The following STK3 variants were observed in gnomAD, a reference collection of about 807,000 sequenced individuals.
STK3 encodes the protein serine/threonine kinase 3.
Under a neutral mutation model 58.0 loss-of-function variants are expected in STK3, and 41 were observed. That is an observed-to-expected ratio of 0.71 (90% CI 0.55 to 0.92). STK3 has a LOEUF of 0.92. Ranked by LOEUF, STK3 falls within the 40% of genes least tolerant of loss-of-function variation. STK3 has a pLI of 0.00. For synonymous variants in STK3, 170 were observed against 191.0 expected, an observed-to-expected ratio of 0.89 and a Z score of 0.91; for missense variants, 479 against 602.7, an observed-to-expected ratio of 0.79 and a Z score of 2.15.
Position 98,409,958 on chromosome 8 carries a change from C to A in STK3, n.484-8445G>T, listed in dbSNP as rs573411245. On this transcript the variant is annotated intron_variant and non_coding_transcript_variant, in intron 3 of 3. Coordinates refer to the STK3 transcript ENST00000517832. Reference sequence around the variant, plus strand: ...GACTCCAGTCCAGTCCAAGGTCCAACAATCAAGTTTTGTTTAGGATATAAG... The same window carrying A: ...GACTCCAGTCCAGTCCAAGGTCCAAAAATCAAGTTTTGTTTAGGATATAAG... Among the ~76,000 whole-genome samples, 7 of 152,360 alleles carry A rather than the reference C, an allele frequency of 4.6e-5. No individual in the cohort carries two copies. The South Asian group carries it at 1.2e-3, about 27-fold the overall frequency.
intron 6 of STK3, among the ~76,000 whole-genome samples, chr8:98,694,969 A>G (rs1443292759): frequency 6.6e-6 from 1 of 152,206 alleles, no homozygotes; most frequent in Non-Finnish European, 1.5e-5. Context: ...TCCCATCAAC[A>G]GTGCAAAAGT....
At chr8:98,748,451 T>G (rs1478774520) in intron 4 of STK3, among the ~76,000 whole-genome samples, 1 of 152,146 alleles carries the variant, frequency 6.6e-6, no homozygotes, top group African/African-American at 2.4e-5. Flanking sequence ...TAAAATAAAC[T>G]TACAGTGTAC....
At position 98,932,635 on chromosome 8, in the gene STK3, T is replaced by A. The variant is rs1052938574; in HGVS notation, c.-79+9743A>T. Among the ~76,000 whole-genome samples the A allele has an allele frequency of 8.5e-5, 13 of 152,310 alleles. 1 individual carries two copies. The South Asian group carries it at 2.5e-3, about 29-fold the overall frequency. On this transcript the variant is annotated intron_variant, in intron 1 of 1. Coordinates refer to the STK3 transcript ENST00000519420. ...CTGGAGTAGTTGTTTCCAAATTTAGTCTATAGGCATATCACCAAGGGAACT... is the reference window on the plus strand; with the variant it reads ...CTGGAGTAGTTGTTTCCAAATTTAGACTATAGGCATATCACCAAGGGAACT...
intron 3 of STK3, chr8:98,432,694 A>G (rs1818353866): frequency 6.0e-6 from 1 of 167,126 alleles, no homozygotes; most frequent in Non-Finnish European, 1.5e-5. Context: ...GCTGTGTGTT[A>G]GCTACTTGAA....
the STK3 span, among the ~76,000 whole-genome samples, chr8:98,345,818 G>T: frequency 4.6e-5 from 7 of 152,020 alleles, 1 homozygote; most frequent in Non-Finnish European, 1.0e-4. Context: ...AAATATAAAA[G>T]ATCCAAATTG....
At chr8:98,700,246 C>T (rs896869144) in intron 6 of STK3, among the ~76,000 whole-genome samples, 11 of 152,150 alleles carry the variant, frequency 7.2e-5, no homozygotes, top group African/African-American at 1.9e-4. Context: ...GGGAGCGACC[C>T]GATTTTCCAG....
Position 98,548,103 on chromosome 8 carries a change from G to T in STK3, c.1007C>A (p.Thr336Asn), listed in dbSNP as rs1393907753. The change falls in exon 9 of 11, where the codon ACC (threonine) becomes AAC (asparagine). Residue 336 changes from threonine to asparagine, a missense_variant. Transcript: ENST00000419617. The stretch of plus-strand genomic sequence containing the variant: ...ACTCATCGTGCTTGTGGCCCGCATG[G>T]TGCCCACACTCTCCACACTAGTCTT... Reference protein sequence around the residue: ...MVKTSVESVGTMRATSTMSEG... With the variant: ...MVKTSVESVGNMRATSTMSEG... The T allele has an allele frequency of 6.2e-7, 1 of 1,606,538 alleles. No individual in the cohort carries two copies. The highest frequency in any genetic ancestry group is 1.1e-5 in the South Asian group (1 of 89,648).
chr8:98,677,881 A>G (rs893171868), intron 6 of STK3, among the ~76,000 whole-genome samples: 1 of 152,234 alleles, frequency 6.6e-6, no homozygotes, highest in African/African-American at 2.4e-5. Context: ...AGAAGGAGTC[A>G]GGTAGTTGGA....
At chr8:98,447,960 T>TAAG (rs1563612098) in intron 1 of STK3, among the ~76,000 whole-genome samples, 1 of 50,044 alleles carries the variant, frequency 2.0e-5, no homozygotes, top group Admixed American at 3.1e-4. Context: ...TAAAGTATAA[T>TAAG]AATAATAATA....
At chr8:98,414,346 A>G (rs1254072718) in intron 3 of STK3, among the ~76,000 whole-genome samples, 1 of 152,220 alleles carries the variant, frequency 6.6e-6, no homozygotes, top group African/African-American at 2.4e-5. Context: ...AGGCTTTCCC[A>G]TGCTATTTGG....
rs922755332 is a variant in STK3, at chr8:98,920,669, T to G, written c.-79+21709A>C. Among the ~76,000 whole-genome samples the G allele has an allele frequency of 1.2e-4, 18 of 152,248 alleles. 1 individual carries two copies. The highest frequency in any genetic ancestry group is 9.2e-4 in the Admixed American group (14 of 15,292). On this transcript the variant is annotated intron_variant, in intron 1 of 1. Coordinates refer to the STK3 transcript ENST00000519420. ...CTAGTTTGTTCAAATGTTACCCATGTGCAGTTTGCAAGCCCCCCATGCTCC... is the reference window on the plus strand; with the variant it reads ...CTAGTTTGTTCAAATGTTACCCATGGGCAGTTTGCAAGCCCCCCATGCTCC...
chr8:98,716,442 GAATAA>G (rs1268435143), intron 4 of STK3, among the ~76,000 whole-genome samples: 1 of 151,318 alleles, frequency 6.6e-6, no homozygotes, highest in African/African-American at 2.4e-5. Flanking sequence ...TTATTTTAAA[GAATAA>G]AATACTTAGG....
chr8:98,923,876 C>CGCGCGCGT (rs1251621848), intron 1 of STK3, among the ~76,000 whole-genome samples: 1 of 146,334 alleles, frequency 6.8e-6, no homozygotes, highest in African/African-American at 2.6e-5. Context: ...CGCGCGCGCG[C>CGCGCGCGT]GTTGACAATG....
intron 1 of STK3, among the ~76,000 whole-genome samples, chr8:98,887,992 G>C (rs1838054664): frequency 6.6e-6 from 1 of 152,190 alleles, no homozygotes; most frequent in Admixed American, 6.5e-5. Flanking sequence ...CAGAGGGATG[G>C]CTGAATATGG....
intron 1 of STK3, among the ~76,000 whole-genome samples, chr8:98,813,046 A>G (rs1326304155): frequency 6.6e-6 from 1 of 151,954 alleles, no homozygotes; most frequent in Non-Finnish European, 1.5e-5. Flanking sequence ...AAAAAAAAAA[A>G]AAAGAAAGTG....
chr8:98,524,049 C>T (rs1469964212), intron 10 of STK3, among the ~76,000 whole-genome samples: 1 of 152,036 alleles, frequency 6.6e-6, no homozygotes, highest in Non-Finnish European at 1.5e-5. Context: ...AAGTAAGACT[C>T]CAACTTCATT....
intron 1 of STK3, among the ~76,000 whole-genome samples, chr8:98,906,985 C>G (rs1202650915): frequency 8.0e-6 from 1 of 124,358 alleles, no homozygotes; most frequent in East Asian, 2.0e-4. Flanking sequence ...CCCATCTCTA[C>G]CAATAAAAAA....
At chr8:98,415,607 C>G (rs1244605752) in intron 3 of STK3, among the ~76,000 whole-genome samples, 2 of 152,146 alleles carry the variant, frequency 1.3e-5, no homozygotes, top group East Asian at 1.9e-4. Context: ...TTATTCTGAC[C>G]CCTTTTCTTC....
intron 1 of STK3, among the ~76,000 whole-genome samples, chr8:98,912,394 A>G (rs752006095): frequency 6.8e-6 from 1 of 147,888 alleles, no homozygotes; most frequent in Admixed American, 6.6e-5. Flanking sequence ...AACAACAACA[A>G]CAATAACAAA....
Sources: gnomAD v4.1 joint callset for allele counts (sites outside exome capture counted in the v4.1 genomes callset) on GRCh38, gnomAD v4.1.1 for gene constraint, MANE v1.5 for transcripts, NCBI Gene and HGNC (gene_info 2026-07-23, HGNC 2026-07-21) for gene names.